ARHGAP5: variants seen among roughly 807,000 people sequenced by gnomAD.
The protein encoded by ARHGAP5 is Rho GTPase activating protein 5.
A neutral mutation model predicts 116.6 loss-of-function variants in ARHGAP5; 23 were observed. The observed-to-expected ratio is 0.20, with a 90% CI of 0.14 to 0.28. The LOEUF is 0.28. Ranked by LOEUF, ARHGAP5 falls within the 10% of genes least tolerant of loss-of-function variation. ARHGAP5 has a pLI of 1.00. For missense variants in ARHGAP5, 1,405 were observed against 1,774.8 expected (o/e 0.79, Z 3.74); for synonymous variants, 574 against 602.0 (o/e 0.95, Z 0.68).
intron 3 of ARHGAP5, among the ~76,000 whole-genome samples, chr14:32,121,529 T>G (rs1879890283): frequency 6.6e-6 from 1 of 152,198 alleles, no homozygotes; most frequent in African/African-American, 2.4e-5. Flanking sequence ...TGTTTATAAT[T>G]TTTGCTTTAA....
chr14:32,146,204 C>T, intron 3 of ARHGAP5, 59 bp from the exon 4 acceptor site: 4 of 1,294,642 alleles, frequency 3.1e-6, no homozygotes, highest in Non-Finnish European at 4.4e-6. Flanking sequence ...AGCCACTGTG[C>T]CCAGCCGTGT....
At chr14:32,103,934 A>T (rs1444093792) in intron 2 of ARHGAP5, among the ~76,000 whole-genome samples, 2 of 152,318 alleles carry the variant, frequency 1.3e-5, no homozygotes, top group Admixed American at 1.3e-4. Flanking sequence ...ATTGTATCGT[A>T]GTCAAAATAA....
At chr14:32,104,734 C>A (rs189155514) in intron 2 of ARHGAP5, among the ~76,000 whole-genome samples, 68 of 152,242 alleles carry the variant, frequency 4.5e-4, no homozygotes, top group Non-Finnish European at 7.4e-4. Context: ...CTTTGTATAA[C>A]CTGCAGTATT....
At chr14:32,109,177 A>T (rs1879164798) in intron 2 of ARHGAP5, among the ~76,000 whole-genome samples, 1 of 152,130 alleles carries the variant, frequency 6.6e-6, no homozygotes, top group Admixed American at 6.5e-5. Flanking sequence ...GGTTGGGTTT[A>T]CTTTTACACT....
chr14:32,095,156 C>G (rs1417622858), intron 2 of ARHGAP5, among the ~76,000 whole-genome samples: 1 of 152,068 alleles, frequency 6.6e-6, no homozygotes, highest in African/African-American at 2.4e-5. Flanking sequence ...ATGTGTTGGT[C>G]ATTTCTTCAT....
intron 2 of ARHGAP5, among the ~76,000 whole-genome samples, chr14:32,115,162 C>T (rs915168707): frequency 6.6e-6 from 1 of 152,182 alleles, no homozygotes; most frequent in African/African-American, 2.4e-5. Context: ...TTGCTATACC[C>T]TGCTCTAGAG....
chr14:32,081,481 G>A (rs766981723), intron 1 of ARHGAP5, among the ~76,000 whole-genome samples: 2 of 150,436 alleles, frequency 1.3e-5, no homozygotes, highest in Admixed American at 6.6e-5. Flanking sequence ...CCCAGGAGGC[G>A]GAGCTTGCAG....
At chr14:32,108,788 T>G (rs1200383599) in intron 2 of ARHGAP5, among the ~76,000 whole-genome samples, 1 of 152,170 alleles carries the variant, frequency 6.6e-6, no homozygotes, top group East Asian at 1.9e-4. Flanking sequence ...TTTATATAAT[T>G]TTTGCTATAC....
At chr14:32,132,044 T>C (rs933326083) in intron 3 of ARHGAP5, among the ~76,000 whole-genome samples, 1 of 152,228 alleles carries the variant, frequency 6.6e-6, no homozygotes, top group African/African-American at 2.4e-5. Flanking sequence ...GCAATAAACA[T>C]ACAGGTGCAT....
intron 3 of ARHGAP5, among the ~76,000 whole-genome samples, chr14:32,117,707 G>A (rs1449238571): frequency 2.0e-5 from 3 of 152,164 alleles, no homozygotes; most frequent in African/African-American, 7.2e-5. Context: ...AGTTGTAAAT[G>A]CGTAAAAGGC....
In ARHGAP5 at chr14:32,155,618, T is replaced by C. The variant is rs916569953; in HGVS notation, c.*670T>C. ...CATGCTTGTGGCTAAAGTGAGTTGA[T>C]AATGTTGTGCAAAGGATAGTTGTCA... On this transcript the variant is annotated 3_prime_UTR_variant, in exon 7 of 7. Coordinates refer to ENST00000345122, the MANE Select transcript of ARHGAP5 (RefSeq NM_001030055.2). 5.9e-5 allele frequency: 9 copies of C among 152,680 alleles called. No homozygotes were observed. The highest frequency in any genetic ancestry group is 1.3e-4 in the Non-Finnish European group (9 of 68,048). The allele number at this position is 152,680 out of a possible 1,614,324, so 9.5% of individuals were successfully genotyped here. A position where few individuals can be genotyped will look rare whatever the true frequency, so the allele number is the denominator to read the frequency against.
rs1566685843 is a variant in ARHGAP5 at position 32,149,999 on chromosome 14, A to T, written c.4041A>T (p.Pro1347=). The change falls in exon 5 of 7, where the codon CCA becomes CCT. Residue 1347 remains proline (P), a synonymous_variant. Transcript: ENST00000345122. The stretch of plus-strand genomic sequence containing the variant: ...CAGATCTGCCAGATCCTTTAATTCC[A>T]TATTCTCTTCATCCAGAACTATTGG... ...FFADLPDPLI[P]YSLHPELLEA... is the part of the protein sequence containing the mutation. The T allele has an allele frequency of 6.2e-7, 1 of 1,607,748 alleles. No individual in the cohort carries two copies. Among genetic ancestry groups the T allele is most frequent in the Non-Finnish European group, 8.5e-7 (1 of 1,177,132 alleles).
intron 3 of ARHGAP5, 76 bp downstream of exon 3, chr14:32,117,363 T>C: frequency 7.5e-7 from 1 of 1,332,838 alleles, no homozygotes; most frequent in Admixed American, 2.1e-5. Flanking sequence ...GTCAAATGTT[T>C]GTGATTTGTT....
intron 1 of ARHGAP5, among the ~76,000 whole-genome samples, chr14:32,088,328 T>C (rs2041851265): frequency 6.6e-6 from 1 of 151,994 alleles, no homozygotes; most frequent in Non-Finnish European, 1.5e-5. Flanking sequence ...CTTCTTTTGA[T>C]GTACATTTTA....
intron 3 of ARHGAP5, among the ~76,000 whole-genome samples, chr14:32,136,155 T>C (rs1880781878): frequency 6.6e-6 from 1 of 152,164 alleles, no homozygotes; most frequent in African/African-American, 2.4e-5. Flanking sequence ...TAACATAAGG[T>C]TAACCATTTT....
intron 3 of ARHGAP5, among the ~76,000 whole-genome samples, chr14:32,126,153 C>G (rs1446252822): frequency 6.6e-6 from 1 of 152,136 alleles, no homozygotes; most frequent in Non-Finnish European, 1.5e-5. Flanking sequence ...AAAGAGCACA[C>G]GCTTGTCTTG....
rs1881863436 is a variant in ARHGAP5 at position 32,155,728 on chromosome 14, A to T, written c.*780A>T. 1 of 152,644 alleles carries T rather than the reference A, an allele frequency of 6.6e-6. No homozygotes were observed. The highest frequency in any genetic ancestry group is 2.4e-5 in the African/African-American group (1 of 41,470). 9.5% of individuals were successfully genotyped at this position (152,644 alleles called of 1,614,324 possible). On this transcript the variant is annotated 3_prime_UTR_variant, in exon 7 of 7. Coordinates refer to ENST00000345122, the MANE Select transcript of ARHGAP5 (RefSeq NM_001030055.2). ...AAACAGATGCATGTTCAAAAGATCTATGATGGTCTTGTAATCTTAATCTAA... is the reference window on the plus strand; with the variant it reads ...AAACAGATGCATGTTCAAAAGATCTTTGATGGTCTTGTAATCTTAATCTAA...
At chr14:32,098,924 C>T (rs975930602) in intron 2 of ARHGAP5, among the ~76,000 whole-genome samples, 5 of 152,046 alleles carry the variant, frequency 3.3e-5, no homozygotes, top group East Asian at 1.9e-4. Flanking sequence ...TGTGATCACT[C>T]GGTTACAGTG....
At chr14:32,114,712 G>C (rs1420084549) in intron 2 of ARHGAP5, among the ~76,000 whole-genome samples, 1 of 152,134 alleles carries the variant, frequency 6.6e-6, no homozygotes, top group Non-Finnish European at 1.5e-5. Context: ...GAGTTTGCTG[G>C]ATGGAGTGAC....
Sources: allele counts gnomAD v4.1 joint callset (sites outside exome capture counted in the v4.1 genomes callset), GRCh38; gene constraint gnomAD v4.1.1; transcripts MANE v1.5; gene names NCBI Gene and HGNC (gene_info 2026-07-23, HGNC 2026-07-21).